CABP5: variants seen among roughly 807,000 people sequenced by gnomAD.
CABP5 encodes the protein calcium-binding protein 5.
A neutral mutation model predicts 21.9 loss-of-function variants in CABP5; 17 were observed. The ratio of observed to expected loss-of-function variants is 0.78; its 90% CI spans 0.53 to 1.17. CABP5 has a LOEUF of 1.17. Ranked by LOEUF, CABP5 falls within the 50% of genes most tolerant of loss-of-function variation. The pLI is 0.00. For missense variants in CABP5, 229 were observed against 228.9 expected (o/e 1.00, Z 0.00); for synonymous variants, 85 against 79.4 (o/e 1.07, Z -0.37).
intron 2 of CABP5, 40 bp from the exon 3 acceptor site, chr19:48,040,788 T>C (rs2122377399): frequency 6.2e-7 from 1 of 1,609,300 alleles, no homozygotes; most frequent in South Asian, 1.1e-5. Context: ...CTTGAAGCAG[T>C]CAGTGGGGAA....
chr19:48,029,790 C>A lies in CABP5; in HGVS notation c.*767G>T, dbSNP rs958705669. On this transcript the variant is annotated 3_prime_UTR_variant, in exon 6 of 6. Coordinates refer to ENST00000293255, the MANE Select transcript of CABP5 (RefSeq NM_019855.5). ...AGGGATGTGGGAGGGGAGACAGAGA[C>A]AGACAGACAGAGAGAGAGAGAGAGA... 3.9e-5 allele frequency among the ~76,000 whole-genome samples: 4 copies of A among 102,886 alleles called. No individual in the cohort carries two copies. Among genetic ancestry groups the A allele is most frequent in the African/African-American group, 1.3e-4 (4 of 30,186 alleles). The allele number at this position is 102,886 out of a possible 152,430, so 67.5% of individuals were successfully genotyped here.
At chr19:48,043,418 T>A (rs1967507421) in intron 1 of CABP5, among the ~76,000 whole-genome samples, 1 of 149,548 alleles carries the variant, frequency 6.7e-6, no homozygotes, top group African/African-American at 2.5e-5. Flanking sequence ...CATGAGTTGT[T>A]CTGAGGTGTA....
At chr19:48,038,697 C>T (rs1371868995) in intron 4 of CABP5, among the ~76,000 whole-genome samples, 4 of 152,062 alleles carry the variant, frequency 2.6e-5, no homozygotes, top group African/African-American at 4.8e-5. Context: ...TGTGGTATCG[C>T]GCACCTGTAA....
In CABP5 at chr19:48,030,482, T is replaced by A; in HGVS notation, c.*75A>T. 1 of 1,493,498 alleles carries A rather than the reference T, an allele frequency of 6.7e-7. No homozygotes were observed. Among genetic ancestry groups the A allele is most frequent in the Non-Finnish European group, 9.2e-7 (1 of 1,091,132 alleles). The allele number at this position is 1,493,498 out of a possible 1,614,324, so 92.5% of individuals were successfully genotyped here. Reference sequence around the variant, plus strand: ...CTCTGCTTTAAGGGGATCTGGGGCTTTTGGGCTTTGGTTCTCCACAAGCGC... The same window carrying A: ...CTCTGCTTTAAGGGGATCTGGGGCTATTGGGCTTTGGTTCTCCACAAGCGC... On this transcript the variant is annotated 3_prime_UTR_variant, in exon 6 of 6. Coordinates refer to ENST00000293255, the MANE Select transcript of CABP5 (RefSeq NM_019855.5).
Position 48,043,987 on chromosome 19 carries a change from C to A in CABP5, c.-65G>T. On this transcript the variant is annotated 5_prime_UTR_variant, in exon 1 of 6. Coordinates refer to ENST00000293255, the MANE Select transcript of CABP5 (RefSeq NM_019855.5). ...ATGGCCCCTCCTCCCTGCTCCCTGTCGGAGCTCAGCCTCCTTATCTTCTCC... is the reference window on the plus strand; with the variant it reads ...ATGGCCCCTCCTCCCTGCTCCCTGTAGGAGCTCAGCCTCCTTATCTTCTCC... 1 of 1,384,946 alleles carries A rather than the reference C, an allele frequency of 7.2e-7. No individual in the cohort carries two copies. Among genetic ancestry groups the A allele is most frequent in the Non-Finnish European group, 9.7e-7 (1 of 1,029,168 alleles). The allele number at this position is 1,384,946 out of a possible 1,614,324, so 85.8% of individuals were successfully genotyped here.
chr19:48,042,838 G>A (rs1442588862), intron 1 of CABP5, among the ~76,000 whole-genome samples: 1 of 152,156 alleles, frequency 6.6e-6, no homozygotes, highest in African/African-American at 2.4e-5. Context: ...CTCCCAAAGG[G>A]CTGGGATCAC....
Position 48,043,933 on chromosome 19 carries a change from G to C in CABP5, c.-11C>G, listed in dbSNP as rs779907241. On this transcript the variant is annotated 5_prime_UTR_variant, in exon 1 of 6. Coordinates refer to ENST00000293255, the MANE Select transcript of CABP5 (RefSeq NM_019855.5). ...CATGGGGAACTGCATGGAGGGGTGGGGTGGAGCTCGCAGGGCACCAGTCTC... is the reference window on the plus strand; with the variant it reads ...CATGGGGAACTGCATGGAGGGGTGGCGTGGAGCTCGCAGGGCACCAGTCTC... 1 of 1,508,000 alleles carries C rather than the reference G, an allele frequency of 6.6e-7. No homozygotes were observed. The highest frequency in any genetic ancestry group is 8.8e-7 in the Non-Finnish European group (1 of 1,134,528). 93.4% of individuals were successfully genotyped at this position (1,508,000 alleles called of 1,614,324 possible).
At chr19:48,043,453 T>C (rs963906362) in intron 1 of CABP5, among the ~76,000 whole-genome samples, 4 of 117,998 alleles carry the variant, frequency 3.4e-5, no homozygotes, top group Non-Finnish European at 5.4e-5. Context: ...TGCAAATCCC[T>C]TTGCACAGGG....
chr19:48,034,364 T>C lies in CABP5; in HGVS notation c.349-2A>G. 1 of 1,545,768 alleles carries C rather than the reference T, an allele frequency of 6.5e-7. No individual in the cohort carries two copies. The highest frequency in any genetic ancestry group is 1.2e-5 in the South Asian group (1 of 81,254). On this transcript the variant is annotated splice_acceptor_variant, in intron 4 of 5. Transcript: ENST00000293255. LOFTEE classifies it high-confidence loss of function. ...CTCCCCATCTCCATTCGTGTCAAACTGAATAGAAGCAGAAATAGATTATAT... is the reference window on the plus strand; with the variant it reads ...CTCCCCATCTCCATTCGTGTCAAACCGAATAGAAGCAGAAATAGATTATAT...
chr19:48,035,698 G>C (rs182528140), intron 4 of CABP5, among the ~76,000 whole-genome samples: 7 of 152,382 alleles, frequency 4.6e-5, no homozygotes, highest in East Asian at 1.9e-4. Context: ...AACAAGTGCC[G>C]TAAGGCAGGA....
intron 4 of CABP5, among the ~76,000 whole-genome samples, chr19:48,037,285 T>TTTTTTTTTTTTTTTG (rs1967422079): frequency 1.5e-5 from 2 of 131,578 alleles, no homozygotes; most frequent in African/African-American, 6.3e-5. Context: ...TTTTTTTTTT[T>TTTTTTTTTTTTTTTG]GAGGTGGAGT....
chr19:48,031,575 T>C (rs972969928), intron 5 of CABP5, among the ~76,000 whole-genome samples: 1 of 152,090 alleles, frequency 6.6e-6, no homozygotes, highest in African/African-American at 2.4e-5. Context: ...ATTGTCACTA[T>C]GAGATTTCAT....
intron 1 of CABP5, among the ~76,000 whole-genome samples, chr19:48,042,765 G>A (rs1967498251): frequency 1.3e-5 from 2 of 151,968 alleles, no homozygotes; most frequent in Admixed American, 1.3e-4. Context: ...AATAGAGACA[G>A]GGTTTCACCA....
chr19:48,040,879 A>G (rs1967472811), intron 2 of CABP5, 131 bp from the exon 3 acceptor site: 1 of 891,488 alleles, frequency 1.1e-6, no homozygotes, highest in Non-Finnish European at 1.7e-6. Flanking sequence ...AAAACAAAAC[A>G]AAACAAAAAA....
intron 4 of CABP5, among the ~76,000 whole-genome samples, chr19:48,037,270 T>G (rs1433145554): frequency 7.8e-6 from 1 of 127,424 alleles, no homozygotes; most frequent in African/African-American, 2.8e-5. Context: ...TTTTTTTTTT[T>G]TTTTTTTTTT....
chr19:48,039,030 T>C (rs1249037503), intron 4 of CABP5, among the ~76,000 whole-genome samples, 178 bp downstream of exon 4: 1 of 152,100 alleles, frequency 6.6e-6, no homozygotes, highest in Non-Finnish European at 1.5e-5. Flanking sequence ...GAGGCATTGA[T>C]CCATTGCAGG....
At position 48,031,833 on chromosome 19, in the gene CABP5, A is replaced by G. The variant is rs78838369; in HGVS notation, c.497-1251T>C. On this transcript the variant is annotated intron_variant, in intron 5 of 5. Transcript: ENST00000293255. ...CTCCCACCCCCACCCCACCTTCTCCAGATGTCACTTGATGTCCACTGCACA... is the reference window on the plus strand; with the variant it reads ...CTCCCACCCCCACCCCACCTTCTCCGGATGTCACTTGATGTCCACTGCACA... Among the ~76,000 whole-genome samples the G allele has an allele frequency of 2.9e-4, 27 of 92,142 alleles. 1 individual carries two copies. The East Asian group carries it at 7.9e-3, about 27-fold the overall frequency. 60.4% of individuals were successfully genotyped at this position (92,142 alleles called of 152,430 possible).
chr19:48,044,030 T>C lies in CABP5; in HGVS notation c.-108A>G. 1.1e-6 allele frequency: 1 copy of C among 890,864 alleles called. No homozygotes were observed. Among genetic ancestry groups the C allele is most frequent in the Non-Finnish European group, 1.7e-6 (1 of 602,960 alleles). The allele number at this position is 890,864 out of a possible 1,614,324, so 55.2% of individuals were successfully genotyped here. A position where few individuals can be genotyped will look rare whatever the true frequency, so the allele number is the denominator to read the frequency against. On this transcript the variant is annotated 5_prime_UTR_variant, in exon 1 of 6. Coordinates refer to ENST00000293255, the MANE Select transcript of CABP5 (RefSeq NM_019855.5). ...TCTTCTCCAGCACTCCTTTGCCACCTCTTCCTGCCTCTCTTGGCTTCTCCT... is the reference window on the plus strand; with the variant it reads ...TCTTCTCCAGCACTCCTTTGCCACCCCTTCCTGCCTCTCTTGGCTTCTCCT...
In CABP5 at chr19:48,034,333, G is replaced by A. The variant is rs1292503968; in HGVS notation, c.378C>T (p.Thr126=). ...EFDTNGDGEI[T]LVELQQAMQR... is the part of the protein sequence containing the mutation. Reference sequence around the variant, plus strand: ...GCATGGCCTGCTGTAGCTCCACCAGGGTGATCTCCCCATCTCCATTCGTGT... The same window carrying A: ...GCATGGCCTGCTGTAGCTCCACCAGAGTGATCTCCCCATCTCCATTCGTGT... Residue 126 remains threonine (T), a synonymous_variant, in exon 5 of 6, where the codon ACC becomes ACT. Coordinates refer to ENST00000293255, the MANE Select transcript of CABP5 (RefSeq NM_019855.5). 1.9e-5 allele frequency: 31 copies of A among 1,595,182 alleles called. No individual in the cohort carries two copies. The highest frequency in any genetic ancestry group is 4.6e-5 in the East Asian group (2 of 43,682).
Sources: gnomAD v4.1 joint callset for allele counts (sites outside exome capture counted in the v4.1 genomes callset) on GRCh38, gnomAD v4.1.1 for gene constraint, MANE v1.5 for transcripts, NCBI Gene and HGNC (gene_info 2026-07-23, HGNC 2026-07-21) for gene names.